THADA: variants seen among roughly 807,000 people sequenced by gnomAD.
THADA encodes the protein THADA armadillo repeat containing, also known as tRNA (32-2'-O)-methyltransferase regulator THADA.
Under a neutral mutation model 219.8 loss-of-function variants are expected in THADA, and 213 were observed. That is an observed-to-expected ratio of 0.97 (90% confidence interval 0.87 to 1.09). THADA has a LOEUF of 1.09. Ranked by LOEUF, THADA falls within the 50% of genes least tolerant of loss-of-function variation. The pLI is 0.00. For synonymous variants in THADA, 1,018 were observed against 828.9 expected (o/e 1.23, Z -3.92); for missense variants, 2,956 against 2,311.3 (o/e 1.28, Z -5.72).
intron 26 of THADA, among the ~76,000 whole-genome samples, chr2:43,479,689 C>T (rs1056602659): frequency 1.3e-5 from 2 of 151,988 alleles, no homozygotes; most frequent in African/African-American, 4.8e-5. Flanking sequence ...TCTCTACTTT[C>T]TAACCAGAAA....
chr2:43,491,124 T>C (rs957398101), intron 25 of THADA, among the ~76,000 whole-genome samples: 2 of 152,188 alleles, frequency 1.3e-5, no homozygotes, highest in Non-Finnish European at 2.9e-5. Context: ...ATTTCATCCA[T>C]ATTTTCTGTT....
At chr2:43,416,489 T>C (rs941058378) in intron 28 of THADA, among the ~76,000 whole-genome samples, 2 of 152,218 alleles carry the variant, frequency 1.3e-5, no homozygotes, top group Admixed American at 6.5e-5. Flanking sequence ...ATCTCATTAA[T>C]GTTTCTTGGT....
chr2:43,552,379 T>G, intron 17 of THADA, 40 bp from the exon 18 acceptor site: 3 of 1,566,186 alleles, frequency 1.9e-6, no homozygotes, highest in Non-Finnish European at 2.6e-6. Flanking sequence ...ATGTCAATCT[T>G]AAAACATTTG....
At chr2:43,290,232 A>G (rs897599617) in intron 34 of THADA, among the ~76,000 whole-genome samples, 1 of 151,014 alleles carries the variant, frequency 6.6e-6, no homozygotes, top group African/African-American at 2.4e-5. Context: ...TTGACCTCCT[A>G]AAGTGCTGGG....
At chr2:43,583,984 G>T (rs1223578040) in intron 7 of THADA, among the ~76,000 whole-genome samples, 1 of 145,054 alleles carries the variant, frequency 6.9e-6, no homozygotes, top group East Asian at 2.1e-4. Context: ...AGATTGCAGT[G>T]AGCCAAAATC....
intron 29 of THADA, among the ~76,000 whole-genome samples, chr2:43,383,394 T>C (rs989509172): frequency 6.6e-6 from 1 of 152,178 alleles, no homozygotes; most frequent in African/African-American, 2.4e-5. Context: ...AAGCTATATA[T>C]GAGTTACAGT....
intron 22 of THADA, among the ~76,000 whole-genome samples, chr2:43,516,170 T>G (rs1691698697): frequency 6.6e-6 from 1 of 152,200 alleles, no homozygotes; most frequent in Non-Finnish European, 1.5e-5. Flanking sequence ...ATAGCAATAT[T>G]GTAACTAATC....
At chr2:43,379,568 G>A (rs1249818614) in intron 29 of THADA, among the ~76,000 whole-genome samples, 1 of 152,196 alleles carries the variant, frequency 6.6e-6, no homozygotes, top group Non-Finnish European at 1.5e-5. Context: ...CAAGGACTGA[G>A]AGCAACAGGA....
intron 26 of THADA, among the ~76,000 whole-genome samples, chr2:43,460,463 G>A (rs1558796501): frequency 1.3e-5 from 2 of 152,144 alleles, no homozygotes; most frequent in Non-Finnish European, 2.9e-5. Context: ...AAGTTGAAAA[G>A]CCAAAAAATA....
At chr2:43,315,398 T>C (rs1210251700) in intron 31 of THADA, among the ~76,000 whole-genome samples, 2 of 152,162 alleles carry the variant, frequency 1.3e-5, no homozygotes, top group Non-Finnish European at 2.9e-5. Flanking sequence ...ACCCCTAATA[T>C]TGATTATCAA....
chr2:43,423,188 T>G (rs913852799), intron 28 of THADA, among the ~76,000 whole-genome samples: 1 of 152,138 alleles, frequency 6.6e-6, no homozygotes, highest in South Asian at 2.1e-4. Flanking sequence ...TGAAGGTTAT[T>G]TTGAATCTTA....
At position 43,570,293 on chromosome 2, in the gene THADA, T is replaced by C. The variant is rs190759460; in HGVS notation, c.2187+95A>G. 1.5e-5 allele frequency: 19 copies of C among 1,258,394 alleles called. No individual in the cohort carries two copies. The Admixed American group carries it at 3.1e-4, about 20-fold the overall frequency. The allele number at this position is 1,258,394 out of a possible 1,614,324, so 78.0% of individuals were successfully genotyped here. A position where few individuals can be genotyped will look rare whatever the true frequency, so the allele number is the denominator to read the frequency against. On this transcript the variant is annotated intron_variant, in intron 14 of 37. Transcript: ENST00000405975. Reference sequence around the variant, plus strand: ...AAGGAAAAAAACACAGAAACACAATTTACCAAGAGACTTCCATTTATTTCC... The same window carrying C: ...AAGGAAAAAAACACAGAAACACAATCTACCAAGAGACTTCCATTTATTTCC...
intron 36 of THADA, among the ~76,000 whole-genome samples, chr2:43,243,103 C>CA (rs1206765809): frequency 3.3e-5 from 5 of 152,222 alleles, no homozygotes; most frequent in Admixed American, 1.3e-4. Context: ...CTGCATCCCT[C>CA]ATGGCTAGGG....
chr2:43,269,178 A>G (rs968155910), intron 36 of THADA, among the ~76,000 whole-genome samples: 5 of 152,206 alleles, frequency 3.3e-5, no homozygotes, highest in Admixed American at 6.5e-5. Context: ...AACAGGGAAG[A>G]CAACACCCTG....
At position 43,425,459 on chromosome 2, in the gene THADA, T is replaced by C. The variant is rs1023688533; in HGVS notation, c.4058+2641A>G. Among the ~76,000 whole-genome samples, 14 of 149,748 alleles carry C rather than the reference T, an allele frequency of 9.3e-5. No individual in the cohort carries two copies. The South Asian group carries it at 2.5e-3, about 27-fold the overall frequency. On this transcript the variant is annotated intron_variant, in intron 28 of 37. Coordinates refer to ENST00000405975, the MANE Select transcript of THADA (RefSeq NM_022065.5). ...TGTTAAAATTGTATGTGTGTGTGTG[T>C]GTGTGTGTGTGTGTGTGTGTGTGTG... is the stretch of plus-strand genomic sequence containing the variant.
rs1306794268 is a variant in THADA at position 43,291,777 on chromosome 2, A to C, written c.4938-9T>G. On this transcript the variant is annotated splice_polypyrimidine_tract_variant and intron_variant, in intron 33 of 37. Transcript: ENST00000405975. ...CACTCTGAATTTCAGATCTAGAAAA[A>C]TAAACAAACAAAAAAACAACACAAA... is the stretch of plus-strand genomic sequence containing the variant. The C allele has an allele frequency of 4.6e-6, 7 of 1,536,468 alleles. No homozygotes were observed. The highest frequency in any genetic ancestry group is 5.3e-6 in the Non-Finnish European group (6 of 1,140,594).
At chr2:43,409,900 C>A (rs768867675) in intron 28 of THADA, among the ~76,000 whole-genome samples, 5 of 151,784 alleles carry the variant, frequency 3.3e-5, no homozygotes, top group Non-Finnish European at 7.4e-5. Flanking sequence ...GCTTGTAGTC[C>A]TAGCTACTCA....
chr2:43,513,306 C>T (rs1470599574), intron 22 of THADA, among the ~76,000 whole-genome samples: 1 of 152,110 alleles, frequency 6.6e-6, no homozygotes, highest in East Asian at 1.9e-4. Context: ...TTAATGTTAA[C>T]AATATGCAAA....
intron 15 of THADA, chr2:43,564,540 C>G (rs1698446726): frequency 1.3e-5 from 2 of 152,250 alleles, no homozygotes; most frequent in African/African-American, 2.4e-5. Context: ...TCAAGATAAT[C>G]TAGAATTATC....
Sources: allele counts gnomAD v4.1 joint callset (sites outside exome capture counted in the v4.1 genomes callset), GRCh38; gene constraint gnomAD v4.1.1; transcripts MANE v1.5; gene names NCBI Gene and HGNC (gene_info 2026-07-23, HGNC 2026-07-21).